Variants in KCNT1 observed in about 807,000 individuals in gnomAD.
KCNT1 encodes the protein potassium channel subfamily T member 1.
KCNT1 carries 78 observed loss-of-function variants against 147.8 expected under a neutral mutation model. That is an observed-to-expected ratio of 0.53 (90% CI 0.44 to 0.64). The LOEUF (loss-of-function observed/expected upper bound fraction) is 0.64. Ranked by LOEUF, KCNT1 falls within the 30% of genes least tolerant of loss-of-function variation. KCNT1 has a pLI of 0.00. For missense variants in KCNT1, 1,419 were observed against 1,750.3 expected, an observed-to-expected ratio of 0.81 and a Z score of 3.38; for synonymous variants, 867 against 748.8, an observed-to-expected ratio of 1.16 and a Z score of -2.58.
Position 135,778,481 on chromosome 9 carries a change from G to A in KCNT1, c.2580G>A (p.Glu860=), listed in dbSNP as rs763685503. The change falls in exon 22 of 31, where the codon GAG becomes GAA. Residue 860 remains glutamate (E), a synonymous_variant. Transcript: ENST00000371757. ...GCTTCCCCATGGTCTACTACATGGA[G>A]GGCTCTGTGGACAAGTAAGGCGTGG... ...ICCFPMVYYM[E]GSVDNLDSLL... is the part of the protein sequence containing the mutation. 14 of 1,564,082 alleles carry A rather than the reference G, an allele frequency of 9.0e-6. No homozygotes were observed. In the South Asian group the frequency reaches 1.3e-4, roughly 14 times the overall value.
At chr9:135,747,168 C>T (rs1196422409) in intron 2 of KCNT1, among the ~76,000 whole-genome samples, 2 of 152,008 alleles carry the variant, frequency 1.3e-5, no homozygotes, top group East Asian at 3.9e-4. Flanking sequence ...CAACAGAGCT[C>T]GGGGAGGCCG....
intron 2 of KCNT1, among the ~76,000 whole-genome samples, chr9:135,729,722 T>G (rs891749302): frequency 6.6e-6 from 1 of 152,190 alleles, no homozygotes; most frequent in African/African-American, 2.4e-5. Flanking sequence ...CCAGTATTTT[T>G]TGCAAAGTGG....
intron 6 of KCNT1, 67 bp from the exon 7 acceptor site, chr9:135,756,806 C>A: frequency 7.4e-7 from 1 of 1,357,236 alleles, no homozygotes; most frequent in South Asian, 1.2e-5. Context: ...CCCGCGAGGC[C>A]TGTGGGGTCA....
At chr9:135,702,435 C>G (rs775133825) in intron 1 of KCNT1, 67 bp downstream of exon 1, 1 of 1,298,772 alleles carries the variant, frequency 7.7e-7, no homozygotes, top group African/African-American at 1.5e-5. Context: ...CAAGTTCCCC[C>G]TCAGGCTCCC....
chr9:135,713,716 G>A (rs528945137), intron 1 of KCNT1, among the ~76,000 whole-genome samples: 1 of 152,168 alleles, frequency 6.6e-6, no homozygotes, highest in African/African-American at 2.4e-5. Context: ...GGCCAGGTAA[G>A]GAGCTCCCTG....
intron 24 of KCNT1, among the ~76,000 whole-genome samples, chr9:135,782,032 G>A (rs1320770957): frequency 1.3e-5 from 2 of 152,114 alleles, no homozygotes; most frequent in Non-Finnish European, 2.9e-5. Context: ...TGGCCAACAT[G>A]GAGAAACCTC....
intron 6 of KCNT1, among the ~76,000 whole-genome samples, chr9:135,755,847 C>A (rs115377579): frequency 0.015 from 2,205 of 144,304 alleles, 55 homozygotes; most frequent in African/African-American, 0.054. Context: ...ATGCTGAGGA[C>A]AAACCCAGGC....
chr9:135,736,671 C>T, intron 2 of KCNT1: 1 of 298,052 alleles, frequency 3.4e-6, no homozygotes, highest in Non-Finnish European at 6.2e-6. Flanking sequence ...CGTCCGAGGG[C>T]AAGGCGGGCC....
chr9:135,723,766 C>T (rs1836019164), intron 2 of KCNT1, among the ~76,000 whole-genome samples: 1 of 152,222 alleles, frequency 6.6e-6, no homozygotes, highest in Non-Finnish European at 1.5e-5. Flanking sequence ...GCAAGTCCAT[C>T]AAAGGCATCA....
At chr9:135,780,490 G>A (rs926467904) in intron 24 of KCNT1, among the ~76,000 whole-genome samples, 14 of 152,220 alleles carry the variant, frequency 9.2e-5, no homozygotes, top group South Asian at 4.1e-4. Flanking sequence ...CCGGCCAGCC[G>A]TGGACCAAGA....
At chr9:135,751,127 C>A (rs1254145990) in intron 4 of KCNT1, 86 bp downstream of exon 4, 5 of 1,248,282 alleles carry the variant, frequency 4.0e-6, no homozygotes, top group Non-Finnish European at 5.8e-6. Context: ...TGATGGCGTC[C>A]CTGGGGGAGC....
At position 135,792,443 on chromosome 9, in the gene KCNT1, C is replaced by G. The variant is rs1487707997; in HGVS notation, c.*282C>G. 3.2e-6 allele frequency: 1 copy of G among 311,764 alleles called. No individual in the cohort carries two copies. Among genetic ancestry groups the G allele is most frequent in the East Asian group, 8.3e-5 (1 of 11,994 alleles). The allele number at this position is 311,764 out of a possible 1,614,324, so 19.3% of individuals were successfully genotyped here. A position where few individuals can be genotyped will look rare whatever the true frequency, so the allele number is the denominator to read the frequency against. On this transcript the variant is annotated 3_prime_UTR_variant, in exon 31 of 31. Transcript: ENST00000371757. ...GATGTACCGCAACTCGTGACCAGGG[C>G]TGGCTGGGAGGGCAACGCAGGGACT...
intron 12 of KCNT1, 59 bp downstream of exon 12, chr9:135,765,254 C>A: frequency 6.6e-7 from 1 of 1,519,872 alleles, no homozygotes. Context: ...GAGACGCCAT[C>A]CTCTCCCCAG....
At chr9:135,710,904 A>G (rs1361110419) in intron 1 of KCNT1, among the ~76,000 whole-genome samples, 1 of 152,190 alleles carries the variant, frequency 6.6e-6, no homozygotes, top group African/African-American at 2.4e-5. Flanking sequence ...GACAGCTTCC[A>G]GTCCATCTCT....
intron 20 of KCNT1, among the ~76,000 whole-genome samples, chr9:135,776,619 C>G (rs932332850): frequency 2.0e-5 from 3 of 152,180 alleles, no homozygotes; most frequent in African/African-American, 7.2e-5. Flanking sequence ...TGTTAGGGCT[C>G]GGCCACGGAG....
chr9:135,751,310 G>A lies in KCNT1; in HGVS notation c.434+269G>A, dbSNP rs57969144. ...TACTAGCGGACCCAGAAGGTCCACG[G>A]AAAGGCTGGAGCATCTAGGATGTCC... On this transcript the variant is annotated intron_variant, in intron 4 of 30. Transcript: ENST00000371757. Among the ~76,000 whole-genome samples, 4,166 of 152,038 alleles carry A rather than the reference G, an allele frequency of 0.027. 177 individuals are homozygous for A. The highest frequency in any genetic ancestry group is 0.094 in the African/African-American group (3,898 of 41,438).
rs139034501 is a variant in KCNT1, at chr9:135,702,288, G to A, written c.30G>A (p.Pro10=). The A allele has an allele frequency of 7.9e-3, 12,641 of 1,608,588 alleles. 87 individuals carry two copies. The highest frequency in any genetic ancestry group is 0.03 in the Middle Eastern group (180 of 6,006). Residue 10 remains proline (P), a synonymous_variant, in exon 1 of 31, where the codon CCG becomes CCA. Coordinates refer to ENST00000371757, the MANE Select transcript of KCNT1 (RefSeq NM_020822.3). The part of the protein sequence containing the change: MPLPDGART[P]GGVCREARGG... ...CACTCCCTGACGGGGCGCGGACCCC[G>A]GGGGGCGTCTGCCGGGAGGCGCGCG...
chr9:135,719,367 T>C (rs1835837184), intron 2 of KCNT1, among the ~76,000 whole-genome samples: 4 of 152,162 alleles, frequency 2.6e-5, no homozygotes, highest in Admixed American at 2.6e-4. Flanking sequence ...GTGCAGACTC[T>C]GGTCTGTGGC....
intron 11 of KCNT1, 86 bp from the exon 12 acceptor site, chr9:135,764,945 A>G: frequency 7.0e-7 from 1 of 1,438,420 alleles, no homozygotes; most frequent in African/African-American, 1.4e-5. Context: ...CCTAACAGAC[A>G]GTCGTGTGTC....
Sources: gnomAD v4.1 joint callset for allele counts (sites outside exome capture counted in the v4.1 genomes callset) on GRCh38, gnomAD v4.1.1 for gene constraint, MANE v1.5 for transcripts, NCBI Gene and HGNC (gene_info 2026-07-23, HGNC 2026-07-21) for gene names.